CHD9: variants seen among roughly 807,000 people sequenced by gnomAD.
The protein encoded by CHD9 is chromodomain helicase DNA binding protein 9.
CHD9 carries 77 observed loss-of-function variants against 316.1 expected under a neutral mutation model. That is an observed-to-expected ratio of 0.24 (90% confidence interval 0.20 to 0.29). The LOEUF (loss-of-function observed/expected upper bound fraction) is 0.29. Ranked by LOEUF, CHD9 falls within the 10% of genes least tolerant of loss-of-function variation. The pLI is 1.00. For missense variants in CHD9, 2,763 were observed against 3,438.1 expected, an observed-to-expected ratio of 0.80 and a Z score of 4.91; for synonymous variants, 1,129 against 1,158.3, an observed-to-expected ratio of 0.97 and a Z score of 0.51.
intron 1 of CHD9, among the ~76,000 whole-genome samples, chr16:53,119,314 G>A (rs1567342660): frequency 6.6e-6 from 1 of 151,486 alleles, no homozygotes; most frequent in Non-Finnish European, 1.5e-5. Context: ...AATTATTGAA[G>A]ATTATATATT....
chr16:53,219,515 A>G (rs1309326542), intron 3 of CHD9, among the ~76,000 whole-genome samples: 1 of 152,198 alleles, frequency 6.6e-6, no homozygotes, highest in East Asian at 1.9e-4. Flanking sequence ...GCGTAGATGC[A>G]GGAAGAAGAG....
chr16:53,059,346 G>A (rs113374116), intron 1 of CHD9, among the ~76,000 whole-genome samples: 103 of 152,344 alleles, frequency 6.8e-4, no homozygotes, highest in African/African-American at 2.3e-3. Flanking sequence ...GCATATGCCT[G>A]TAATCCCAGC....
intron 1 of CHD9, among the ~76,000 whole-genome samples, chr16:53,142,819 G>C (rs2040226025): frequency 6.6e-6 from 1 of 152,190 alleles, no homozygotes; most frequent in African/African-American, 2.4e-5. Flanking sequence ...GAATACCACA[G>C]ACTGGTTAAT....
At chr16:53,208,387 T>C in intron 2 of CHD9, 1 of 1,277,684 alleles carries the variant, frequency 7.8e-7, no homozygotes. Flanking sequence ...GGAGGGGTTC[T>C]TTGGGCTAAA....
At chr16:53,241,662 A>G (rs1252670671) in intron 12 of CHD9, among the ~76,000 whole-genome samples, 7 of 152,202 alleles carry the variant, frequency 4.6e-5, no homozygotes, top group Non-Finnish European at 2.9e-5. Context: ...GCCCTCCTCT[A>G]TCTCACTCCA....
Position 53,324,793 on chromosome 16 carries a change from T to C in CHD9, c.8592T>C (p.Asn2864=). ...GAGGAACTGAACCAAGTCCTCTCAA[T>C]GAAAACAGCACAGATGAGGGTTCAG... ...DKGGTEPSPL[N]ENSTDEGSEK... is the part of the protein sequence containing the mutation. The change falls in exon 39 of 39, where the codon AAT becomes AAC. Residue 2864 remains asparagine, a synonymous_variant. Transcript: ENST00000447540. The C allele has an allele frequency of 6.2e-7, 1 of 1,613,158 alleles. No homozygotes were observed. The highest frequency in any genetic ancestry group is 2.2e-5 in the East Asian group (1 of 44,844).
At chr16:53,244,603 G>A (rs1304569567) in intron 13 of CHD9, among the ~76,000 whole-genome samples, 3 of 152,114 alleles carry the variant, frequency 2.0e-5, no homozygotes, top group South Asian at 2.1e-4. Flanking sequence ...TAAATGATGA[G>A]CACTCTTTGG....
At chr16:53,253,544 G>T (rs954644348) in intron 17 of CHD9, among the ~76,000 whole-genome samples, 2 of 151,978 alleles carry the variant, frequency 1.3e-5, no homozygotes, top group Non-Finnish European at 2.9e-5. Context: ...TACTACTAAA[G>T]AACTTATGTA....
At chr16:53,172,206 G>A (rs138956619) in intron 2 of CHD9, among the ~76,000 whole-genome samples, 43 of 151,760 alleles carry the variant, frequency 2.8e-4, no homozygotes, top group African/African-American at 8.2e-4. Flanking sequence ...CTCCTCCTTC[G>A]CGCACCCAGA....
At chr16:53,138,194 G>A (rs1722360274) in intron 1 of CHD9, among the ~76,000 whole-genome samples, 1 of 152,086 alleles carries the variant, frequency 6.6e-6, no homozygotes, top group Non-Finnish European at 1.5e-5. Flanking sequence ...CTTCAAGAAG[G>A]GCACTAAGAG....
chr16:53,274,570 C>G (rs1453775014), intron 24 of CHD9, among the ~76,000 whole-genome samples: 1 of 152,180 alleles, frequency 6.6e-6, no homozygotes, highest in Non-Finnish European at 1.5e-5. Context: ...ATTCTCCTGC[C>G]TCAGCCTCCC....
chr16:53,240,039 C>A (rs1353222451), intron 12 of CHD9, among the ~76,000 whole-genome samples: 1 of 152,086 alleles, frequency 6.6e-6, no homozygotes, highest in East Asian at 1.9e-4. Context: ...GTGATCCTCC[C>A]AAGTAGCTGA....
chr16:53,214,820 A>G (rs2046606634), intron 3 of CHD9, among the ~76,000 whole-genome samples: 3 of 152,228 alleles, frequency 2.0e-5, no homozygotes, highest in Admixed American at 1.3e-4. Context: ...TTTATGTGTC[A>G]GTAGAAGACA....
chr16:53,204,896 T>TC lies in CHD9; in HGVS notation c.1453-4586_1453-4585insC, dbSNP rs1447568280. Among the ~76,000 whole-genome samples, 275 of 152,244 alleles carry TC rather than the reference T, an allele frequency of 1.8e-3. 2 individuals are homozygous for TC. The highest frequency in any genetic ancestry group is 6.3e-3 in the African/African-American group (260 of 41,538). Reference sequence around the variant, plus strand: ...TTTCGCTCTGTTGCCCAGGCTAGAGTACGGTGGCATGATCTCAGCTGACTG... The same window carrying TC: ...TTTCGCTCTGTTGCCCAGGCTAGAGTCACGGTGGCATGATCTCAGCTGACTG... On this transcript the variant is annotated intron_variant, in intron 2 of 38. Transcript: ENST00000447540.
At chr16:53,283,727 T>G (rs1031518717) in intron 24 of CHD9, among the ~76,000 whole-genome samples, 6 of 152,190 alleles carry the variant, frequency 3.9e-5, no homozygotes, top group Non-Finnish European at 8.8e-5. Context: ...TACAAGAAAA[T>G]TATTCCTCCT....
chr16:53,096,972 G>C (rs1164005081), intron 1 of CHD9, among the ~76,000 whole-genome samples: 2 of 151,774 alleles, frequency 1.3e-5, no homozygotes. Flanking sequence ...ATCCACTCAT[G>C]GATTAACCCA....
intron 1 of CHD9, among the ~76,000 whole-genome samples, chr16:53,082,713 A>C (rs1023352372): frequency 2.6e-5 from 4 of 152,242 alleles, no homozygotes; most frequent in African/African-American, 7.2e-5. Context: ...CATCAGGTGC[A>C]GGAGGAATTC....
intron 1 of CHD9, among the ~76,000 whole-genome samples, chr16:53,148,403 CTTGT>C (rs1469973923): frequency 6.6e-6 from 1 of 152,138 alleles, no homozygotes; most frequent in Non-Finnish European, 1.5e-5. Context: ...ACCCGTCTGG[CTTGT>C]TTAACTTTTT....
In CHD9 at chr16:53,153,080, C is replaced by T. The variant is rs147309697; in HGVS notation, c.-164-2846C>T. On this transcript the variant is annotated intron_variant, in intron 1 of 38. Coordinates refer to ENST00000447540, the MANE Select transcript of CHD9 (RefSeq NM_001308319.2). ...TGCTGATAGGTAGTGTTAGATGAGA[C>T]GTGAAAAACGACCCTTGTATTTCGT... is the stretch of plus-strand genomic sequence containing the variant. 2.2e-3 allele frequency among the ~76,000 whole-genome samples: 339 copies of T among 152,182 alleles called. 2 individuals are homozygous for T. Among genetic ancestry groups the T allele is most frequent in the African/African-American group, 7.4e-3 (309 of 41,522 alleles).
Sources: gnomAD v4.1 joint callset for allele counts (sites outside exome capture counted in the v4.1 genomes callset) on GRCh38, gnomAD v4.1.1 for gene constraint, MANE v1.5 for transcripts, NCBI Gene and HGNC (gene_info 2026-07-23, HGNC 2026-07-21) for gene names.